Variants in DSCAML1 observed in about 807,000 individuals in gnomAD.
The protein encoded by DSCAML1 is cell adhesion molecule DSCAML1.
A neutral mutation model predicts 200.5 loss-of-function variants in DSCAML1; 38 were observed. That is an observed-to-expected ratio of 0.19 (90% CI 0.15 to 0.25). DSCAML1 has a LOEUF of 0.25. Among genes scored for constraint, DSCAML1 ranks in the 10% least tolerant of loss-of-function variants. The probability of loss-of-function intolerance (pLI) is 1.00; values close to 1 mark genes in which losing one functional copy is unlikely to be tolerated. For synonymous variants in DSCAML1, 1,215 were observed against 1,165.0 expected (o/e 1.04, Z -0.87); for missense variants, 2,223 against 2,858.8 (o/e 0.78, Z 5.07).
At chr11:117,609,694 G>A (rs1212331757) in intron 3 of DSCAML1, among the ~76,000 whole-genome samples, 1 of 151,584 alleles carries the variant, frequency 6.6e-6, no homozygotes. Context: ...TTTTGTTTTG[G>A]GTGTTAGTAT....
At chr11:117,691,250 T>G (rs1347292322) in intron 3 of DSCAML1, among the ~76,000 whole-genome samples, 4 of 152,116 alleles carry the variant, frequency 2.6e-5, no homozygotes, top group Admixed American at 2.6e-4. Context: ...TGGACCTCCC[T>G]GAAAACACAA....
In DSCAML1 at chr11:117,439,357, A is replaced by C. The variant is rs2137081119; in HGVS notation, c.4053T>G (p.Arg1351=). ...LIHTNGTLLL[R]AVKAEDSGYY... ...AGCCAGAGTCCTCAGCCTTCACTGC[A>C]CGCAGCAGCAGTGTGCCATTGGTGT... The change falls in exon 23 of 33, where the codon CGT becomes CGG. Residue 1351 remains arginine (R), a synonymous_variant. Coordinates refer to ENST00000651296, the MANE Select transcript of DSCAML1 (RefSeq NM_020693.4). 6.2e-7 allele frequency: 1 copy of C among 1,613,954 alleles called. No homozygotes were observed. Among genetic ancestry groups the C allele is most frequent in the Non-Finnish European group, 8.5e-7 (1 of 1,179,980 alleles).
At chr11:117,739,610 C>T (rs1243850600) in intron 3 of DSCAML1, among the ~76,000 whole-genome samples, 1 of 152,188 alleles carries the variant, frequency 6.6e-6, no homozygotes, top group African/African-American at 2.4e-5. Context: ...AGCTATTTAC[C>T]CACTAGAACC....
Position 117,428,684 on chromosome 11 carries a change from T to C in DSCAML1, c.5806A>G (p.Thr1936Ala). Residue 1936 changes from threonine (T) to alanine (A), a missense_variant, in exon 33 of 33, where the codon ACC (threonine) becomes GCC (alanine). This residue lies in a region of DSCAML1 where 280 missense variants were observed against 213.4 expected (regional missense o/e 1.31). Coordinates refer to ENST00000651296, the MANE Select transcript of DSCAML1 (RefSeq NM_020693.4). ...REASIRNLAR[T>A]YHTQARHLTL... ...AGGTGGCGAGCCTGGGTGTGGTAGG[T>C]TCGAGCCAGGTTCCGGATGGAGGCC... The C allele has an allele frequency of 6.2e-7, 1 of 1,612,642 alleles. No homozygotes were observed. The highest frequency in any genetic ancestry group is 8.5e-7 in the Non-Finnish European group (1 of 1,179,582).
chr11:117,575,612 G>A (rs755834133), intron 3 of DSCAML1, among the ~76,000 whole-genome samples: 7 of 152,228 alleles, frequency 4.6e-5, no homozygotes, highest in African/African-American at 7.2e-5. Flanking sequence ...GATGTTGTAA[G>A]TCAGGGTCTT....
chr11:117,685,080 C>T (rs1048890736), intron 3 of DSCAML1, among the ~76,000 whole-genome samples: 3 of 152,348 alleles, frequency 2.0e-5, no homozygotes, highest in East Asian at 1.9e-4. Context: ...CAAGGCCTTC[C>T]GTGACATCGA....
chr11:117,649,148 C>T (rs2137614690), intron 3 of DSCAML1, among the ~76,000 whole-genome samples: 1 of 151,738 alleles, frequency 6.6e-6, no homozygotes, highest in South Asian at 2.1e-4. Context: ...ATGATCTCGG[C>T]TCACTGCAAC....
intron 4 of DSCAML1, among the ~76,000 whole-genome samples, chr11:117,525,312 GGGA>G (rs1185256332): frequency 5.3e-5 from 8 of 152,192 alleles, no homozygotes; most frequent in Admixed American, 5.2e-4. Flanking sequence ...AGCAGGGGCT[GGGA>G]GGAGGAGAGG....
rs2055598035 is a variant in DSCAML1, at chr11:117,797,161, C to G, written c.-82G>C. The G allele has an allele frequency of 1.3e-6, 2 of 1,585,642 alleles. No homozygotes were observed. The highest frequency in any genetic ancestry group is 1.4e-5 in the African/African-American group (1 of 72,250). On this transcript the variant is annotated 5_prime_UTR_variant, in exon 1 of 33. Transcript: ENST00000651296. ...CGCCTCTCCCCCGCTCAGCGCGCTC[C>G]CAGCCGCCCGCACTCGGCGCCCCGC...
chr11:117,495,708 C>T (rs558306424), intron 11 of DSCAML1, among the ~76,000 whole-genome samples: 4 of 152,214 alleles, frequency 2.6e-5, no homozygotes, highest in East Asian at 3.9e-4. Context: ...GAACATGCCA[C>T]CCCTCCGTTC....
chr11:117,562,419 G>T (rs1255285825), intron 3 of DSCAML1, among the ~76,000 whole-genome samples: 3 of 152,224 alleles, frequency 2.0e-5, no homozygotes, highest in African/African-American at 4.8e-5. Context: ...TGCCTTTCCA[G>T]ATCCCCTTGG....
chr11:117,770,809 G>A (rs1453225930), intron 3 of DSCAML1, among the ~76,000 whole-genome samples: 1 of 152,200 alleles, frequency 6.6e-6, no homozygotes, highest in Non-Finnish European at 1.5e-5. Flanking sequence ...AGCAGAAATC[G>A]AGGAAAGACA....
chr11:117,701,008 G>A (rs2053658158), intron 3 of DSCAML1, among the ~76,000 whole-genome samples: 1 of 152,218 alleles, frequency 6.6e-6, no homozygotes. Context: ...GCTCACGCCT[G>A]TAATCCCAGC....
intron 3 of DSCAML1, among the ~76,000 whole-genome samples, chr11:117,741,132 T>C (rs2054416282): frequency 6.6e-6 from 1 of 152,252 alleles, no homozygotes; most frequent in African/African-American, 2.4e-5. Context: ...CACCAGAGAT[T>C]TGTGCCTCTC....
Position 117,481,156 on chromosome 11 carries a change from T to C in DSCAML1, c.2656+18A>G. 2 of 1,611,064 alleles carry C rather than the reference T, an allele frequency of 1.2e-6. No homozygotes were observed. The highest frequency in any genetic ancestry group is 1.7e-6 in the Non-Finnish European group (2 of 1,178,290). On this transcript the variant is annotated intron_variant, in intron 13 of 32. Coordinates refer to ENST00000651296, the MANE Select transcript of DSCAML1 (RefSeq NM_020693.4). Reference sequence around the variant, plus strand: ...CCCTGGGGAGGTGGGATGGGAAGGGTGGGGCAGGTGAAGGTACCTTGCACA... The same window carrying C: ...CCCTGGGGAGGTGGGATGGGAAGGGCGGGGCAGGTGAAGGTACCTTGCACA...
chr11:117,638,554 T>A (rs2052338234), intron 3 of DSCAML1, among the ~76,000 whole-genome samples: 1 of 152,014 alleles, frequency 6.6e-6, no homozygotes, highest in Non-Finnish European at 1.5e-5. Flanking sequence ...CCTACCCCAT[T>A]CCCCCGGCAC....
chr11:117,752,303 C>T (rs1384090503), intron 3 of DSCAML1, among the ~76,000 whole-genome samples: 2 of 152,110 alleles, frequency 1.3e-5, no homozygotes, highest in Non-Finnish European at 2.9e-5. Flanking sequence ...AGGGGTGGAA[C>T]GACAATTTAT....
chr11:117,442,858 C>T (rs2048096591), intron 21 of DSCAML1, among the ~76,000 whole-genome samples: 2 of 152,132 alleles, frequency 1.3e-5, no homozygotes. Flanking sequence ...CTCACTCCTT[C>T]CCGGTTGTCT....
chr11:117,441,260 G>A (rs981847192), intron 21 of DSCAML1, among the ~76,000 whole-genome samples: 107 of 152,292 alleles, frequency 7.0e-4, no homozygotes, highest in African/African-American at 2.4e-3. Context: ...AGGAAGGACC[G>A]GATGGCTTCA....
Sources: gnomAD v4.1 joint callset for allele counts (sites outside exome capture counted in the v4.1 genomes callset) on GRCh38, gnomAD v4.1.1 for gene constraint, gnomAD v4.1.1 regional missense constraint, MANE v1.5 for transcripts, NCBI Gene and HGNC (gene_info 2026-07-23, HGNC 2026-07-21) for gene names.